The following ESRP1 variants were observed in gnomAD, a reference collection of about 807,000 sequenced individuals.
The protein encoded by ESRP1 is epithelial splicing regulatory protein 1.
A neutral mutation model predicts 81.7 loss-of-function variants in ESRP1; 33 were observed. That is an observed-to-expected ratio of 0.40 (90% CI 0.31 to 0.54). The LOEUF is 0.54. ESRP1 is among the 20% of genes least tolerant of loss of function. ESRP1 has a pLI of 0.41. For synonymous variants in ESRP1, 320 were observed against 303.3 expected (o/e 1.06, Z -0.57); for missense variants, 672 against 833.1 (o/e 0.81, Z 2.38).
intron 15 of ESRP1, among the ~76,000 whole-genome samples, chr8:94,699,533 C>A (rs373126171): frequency 1.2e-4 from 18 of 151,916 alleles, no homozygotes; most frequent in Non-Finnish European, 2.4e-4. Flanking sequence ...CCGGCTACTC[C>A]GGAGGCTGAG....
Position 94,641,311 on chromosome 8 carries a change from C to T in ESRP1, c.-8C>T, listed in dbSNP as rs545310252. 73 of 1,612,890 alleles carry T rather than the reference C, an allele frequency of 4.5e-5. 1 individual carries two copies. In the South Asian group the frequency reaches 6.2e-4, roughly 14 times the overall value. On this transcript the variant is annotated 5_prime_UTR_variant, in exon 1 of 16. Transcript: ENST00000433389. ...CGACCCCCCCTCTCCCCCTCCCCAC[C>T]TATCGTCATGACGGCCTCTCCGGAT...
chr8:94,686,065 C>T (rs1586241097), intron 13 of ESRP1, among the ~76,000 whole-genome samples: 1 of 152,012 alleles, frequency 6.6e-6, no homozygotes, highest in South Asian at 2.1e-4. Context: ...CTCTTGCCTC[C>T]GTCTCCTGAG....
chr8:94,649,560 T>C (rs1226863661), intron 4 of ESRP1: 1 of 152,200 alleles, frequency 6.6e-6, no homozygotes, highest in East Asian at 1.9e-4. Flanking sequence ...TTACCCAGGC[T>C]GGAGTGAAAT....
chr8:94,669,241 T>C (rs1733931085), intron 10 of ESRP1, among the ~76,000 whole-genome samples: 1 of 152,232 alleles, frequency 6.6e-6, no homozygotes, highest in African/African-American at 2.4e-5. Context: ...TTTGCCTTTG[T>C]AGCATAAATG....
Position 94,646,628 on chromosome 8 carries a change from G to C in ESRP1, c.490+346G>C, listed in dbSNP as rs561326367. Among the ~76,000 whole-genome samples the C allele has an allele frequency of 1.6e-4, 25 of 152,148 alleles. No homozygotes were observed. The East Asian group carries it at 4.6e-3, about 28-fold the overall frequency. The stretch of plus-strand genomic sequence containing the variant: ...CTTTTTCTTGGTTACTGTGATTTTA[G>C]GGTTTATTTTGGCTTCTTTGGAATG... On this transcript the variant is annotated intron_variant, in intron 4 of 15. Transcript: ENST00000433389.
chr8:94,642,272 C>T (rs1817640854), intron 2 of ESRP1, among the ~76,000 whole-genome samples, 188 bp downstream of exon 2: 1 of 152,228 alleles, frequency 6.6e-6, no homozygotes, highest in Non-Finnish European at 1.5e-5. Flanking sequence ...TTCTCTTCAT[C>T]TCCCAGCCCC....
At chr8:94,678,830 T>A (rs1350463622) in intron 13 of ESRP1, among the ~76,000 whole-genome samples, 3 of 152,226 alleles carry the variant, frequency 2.0e-5, no homozygotes, top group Non-Finnish European at 2.9e-5. Context: ...AACAAATCTA[T>A]AAACCAATCC....
intron 13 of ESRP1, among the ~76,000 whole-genome samples, chr8:94,690,324 G>T (rs1490239883): frequency 1.6e-5 from 2 of 126,804 alleles, no homozygotes; most frequent in East Asian, 4.6e-4. Context: ...GTGGAGATGG[G>T]ATTTCACCAT....
intron 13 of ESRP1, chr8:94,688,639 G>C (rs1443356882): frequency 1.6e-5 from 3 of 192,942 alleles, no homozygotes; most frequent in Non-Finnish European, 3.2e-5. Context: ...CAAATAAAAT[G>C]CCTCAACAGA....
At chr8:94,669,197 C>T (rs1409019035) in intron 10 of ESRP1, among the ~76,000 whole-genome samples, 2 of 152,166 alleles carry the variant, frequency 1.3e-5, no homozygotes, top group Non-Finnish European at 2.9e-5. Context: ...TCTTGACTTG[C>T]CAGCTACCAA....
chr8:94,643,833 G>A (rs1817725603), intron 3 of ESRP1, among the ~76,000 whole-genome samples: 1 of 152,116 alleles, frequency 6.6e-6, no homozygotes, highest in Non-Finnish European at 1.5e-5. Flanking sequence ...CTATTCTTTA[G>A]TATGTCATAA....
rs147134328 is a variant in ESRP1, at chr8:94,665,352, G to A, written c.931+156G>A. Among the ~76,000 whole-genome samples, 673 of 152,260 alleles carry A rather than the reference G, an allele frequency of 4.4e-3. 8 individuals are homozygous for A. Among genetic ancestry groups the A allele is most frequent in the African/African-American group, 0.015 (632 of 41,536 alleles). ...TTCTTCCCCAGAGGTAGAAGCTTCC[G>A]ATAATAACAGTGAGCTTAATGTATA... On this transcript the variant is annotated intron_variant, in intron 9 of 15. Transcript: ENST00000433389.
intron 13 of ESRP1, among the ~76,000 whole-genome samples, chr8:94,686,628 C>G (rs558667145): frequency 9.8e-5 from 15 of 152,330 alleles, no homozygotes; most frequent in Non-Finnish European, 1.6e-4. Context: ...TCATTTGTCC[C>G]TAACCCTTCG....
intron 13 of ESRP1, chr8:94,688,444 T>G: frequency 3.7e-6 from 1 of 271,806 alleles, no homozygotes; most frequent in Non-Finnish European, 7.2e-6. Flanking sequence ...ACAAGTGTGA[T>G]CATCCTCAGA....
At chr8:94,668,383 T>G (rs1223786420) in intron 10 of ESRP1, 133 bp downstream of exon 10, 1 of 854,700 alleles carries the variant, frequency 1.2e-6, no homozygotes, top group Non-Finnish European at 1.7e-6. Flanking sequence ...ATGAAAATAG[T>G]CTTGATTCTA....
chr8:94,664,120 C>CTT lies in ESRP1; in HGVS notation c.645-557_645-556dup, dbSNP rs755384250. On this transcript the variant is annotated intron_variant, in intron 6 of 15. Coordinates refer to ENST00000433389, the MANE Select transcript of ESRP1 (RefSeq NM_017697.4). ...GGGTGCCAAGCAAACATTTCCTCAGCTTTTTTTTTTTTTTTTTTTTTGAGA... is the reference window on the plus strand; with the variant it reads ...GGGTGCCAAGCAAACATTTCCTCAGCTTTTTTTTTTTTTTTTTTTTTTTGAGA... 8.9e-3 allele frequency among the ~76,000 whole-genome samples: 872 copies of CTT among 98,488 alleles called. 28 individuals carry two copies. Among genetic ancestry groups the CTT allele is most frequent in the African/African-American group, 0.025 (687 of 27,176 alleles). 64.6% of individuals were successfully genotyped at this position (98,488 alleles called of 152,430 possible).
chr8:94,700,254 C>A lies in ESRP1; in HGVS notation c.*35+3293C>A, dbSNP rs1809768541. 3.9e-5 allele frequency among the ~76,000 whole-genome samples: 6 copies of A among 152,152 alleles called. No individual in the cohort carries two copies. The South Asian group carries it at 1.3e-3, about 32-fold the overall frequency. On this transcript the variant is annotated intron_variant, in intron 15 of 15. Transcript: ENST00000433389. ...TGATCCCTGGAACCTGTGACTATTA[C>A]CTTCTATGGAAAAAGCTGTAATGAG...
intron 4 of ESRP1, among the ~76,000 whole-genome samples, chr8:94,653,216 G>T (rs1818233709): frequency 2.7e-5 from 4 of 150,262 alleles, no homozygotes; most frequent in Admixed American, 2.6e-4. Context: ...ATCACTTCTT[G>T]GGGGGTGTAA....
chr8:94,695,348 C>CTTTTTTTTTTTTTTTT (rs1177357708), intron 14 of ESRP1, among the ~76,000 whole-genome samples: 9 of 61,174 alleles, frequency 1.5e-4, no homozygotes, highest in African/African-American at 5.3e-4. Flanking sequence ...CTTTTTCTTT[C>CTTTTTTTTTTTTTTTT]TTTTTTTTTT....
Sources: gnomAD v4.1 joint callset for allele counts (sites outside exome capture counted in the v4.1 genomes callset) on GRCh38, gnomAD v4.1.1 for gene constraint, MANE v1.5 for transcripts, NCBI Gene and HGNC (gene_info 2026-07-23, HGNC 2026-07-21) for gene names.